Variants in CDH13 observed in about 807,000 individuals in gnomAD.
CDH13 encodes cadherin-13.
CDH13 carries 24 observed loss-of-function variants against 63.8 expected under a neutral mutation model. That is an observed-to-expected ratio of 0.38 (90% CI 0.27 to 0.53). The LOEUF is 0.53. Among genes scored for constraint, CDH13 ranks in the 20% least tolerant of loss-of-function variants. The pLI is 0.85. For missense variants in CDH13, 1,049 were observed against 903.1 expected (o/e 1.16, Z -2.07); for synonymous variants, 503 against 355.3 (o/e 1.42, Z -4.67).
chr16:82,748,761 G>C lies in CDH13; in HGVS notation c.46-109601G>C, dbSNP rs139353646. 6.2e-3 allele frequency among the ~76,000 whole-genome samples: 951 copies of C among 152,228 alleles called. 12 individuals carry two copies. Among genetic ancestry groups the C allele is most frequent in the Non-Finnish European group, 6.8e-3 (461 of 68,010 alleles). ...AGAGTACTAGATGATCTCCTATAAA[G>C]AGCCAGGATGGTAGAAGACCTGTGG... On this transcript the variant is annotated intron_variant, in intron 1 of 13. Coordinates refer to ENST00000567109, the MANE Select transcript of CDH13 (RefSeq NM_001257.5).
At chr16:83,750,506 T>A (rs1053937635) in intron 11 of CDH13, among the ~76,000 whole-genome samples, 1 of 152,274 alleles carries the variant, frequency 6.6e-6, no homozygotes. Flanking sequence ...TTCCATAGCA[T>A]GTACCTTATT....
intron 5 of CDH13, among the ~76,000 whole-genome samples, chr16:83,255,610 T>G (rs1311948969): frequency 6.6e-6 from 1 of 152,184 alleles, no homozygotes; most frequent in African/African-American, 2.4e-5. Context: ...AATGTCTCAT[T>G]TAACTTTTGA....
chr16:82,937,006 C>G (rs1178180691), intron 2 of CDH13, among the ~76,000 whole-genome samples: 2 of 152,120 alleles, frequency 1.3e-5, no homozygotes, highest in Admixed American at 1.3e-4. Context: ...ACAACCAAAA[C>G]AAACCACAGG....
At position 83,295,165 on chromosome 16, in the gene CDH13, C is replaced by T. The variant is rs543383634; in HGVS notation, c.637-49697C>T. Among the ~76,000 whole-genome samples, 71 of 152,034 alleles carry T rather than the reference C, an allele frequency of 4.7e-4. No individual in the cohort carries two copies. The South Asian group carries it at 0.012, about 26-fold the overall frequency. On this transcript the variant is annotated intron_variant, in intron 5 of 13. Coordinates refer to ENST00000567109, the MANE Select transcript of CDH13 (RefSeq NM_001257.5). ...CTTCAATAAATGGCATTTGGGAAAC[C>T]GCATATCCATATGCAGAAGAATGAA...
intron 6 of CDH13, among the ~76,000 whole-genome samples, chr16:83,483,163 G>A (rs1395958801): frequency 6.6e-6 from 1 of 152,138 alleles, no homozygotes; most frequent in Non-Finnish European, 1.5e-5. Flanking sequence ...TCACCTCAGA[G>A]TCGTTGTCTT....
intron 6 of CDH13, among the ~76,000 whole-genome samples, chr16:83,377,847 G>A (rs1204382402): frequency 6.6e-6 from 1 of 152,126 alleles, no homozygotes; most frequent in Non-Finnish European, 1.5e-5. Flanking sequence ...ATAACACACA[G>A]CTAACCAATA....
rs377051357 is a variant in CDH13 at position 83,763,303 on chromosome 16, T to C, written c.1681+15053T>C. 1.8e-4 allele frequency among the ~76,000 whole-genome samples: 28 copies of C among 152,330 alleles called. No homozygotes were observed. The East Asian group carries it at 2.9e-3, about 16-fold the overall frequency. Reference sequence around the variant, plus strand: ...TAATGATTTTTCATAGGCTAAGATATATCATGTCCCAGCCTGTCTTCTCCT... The same window carrying C: ...TAATGATTTTTCATAGGCTAAGATACATCATGTCCCAGCCTGTCTTCTCCT... On this transcript the variant is annotated intron_variant, in intron 11 of 13. Coordinates refer to ENST00000567109, the MANE Select transcript of CDH13 (RefSeq NM_001257.5).
chr16:83,694,505 G>A (rs190869315), intron 10 of CDH13, among the ~76,000 whole-genome samples: 38 of 152,336 alleles, frequency 2.5e-4, no homozygotes, highest in Non-Finnish European at 4.3e-4. Context: ...CACAGTGCTC[G>A]TGATGACCTC....
At chr16:83,020,523 G>A (rs146395064) in intron 2 of CDH13, among the ~76,000 whole-genome samples, 1 of 152,276 alleles carries the variant, frequency 6.6e-6, no homozygotes, top group South Asian at 2.1e-4. Context: ...ACTCAAAAAT[G>A]GGGCCACCCT....
Position 82,642,922 on chromosome 16 carries a change from G to C in CDH13, c.45+15785G>C, listed in dbSNP as rs77335542. On this transcript the variant is annotated intron_variant, in intron 1 of 13. Coordinates refer to ENST00000567109, the MANE Select transcript of CDH13 (RefSeq NM_001257.5). ...TAAAGCTTTAGGACTCTAGGGCTGAGATTCAAACTCAAGACAATTCCAGAC... is the reference window on the plus strand; with the variant it reads ...TAAAGCTTTAGGACTCTAGGGCTGACATTCAAACTCAAGACAATTCCAGAC... Among the ~76,000 whole-genome samples the C allele has an allele frequency of 2.5e-3, 375 of 152,292 alleles. 1 individual carries two copies. The highest frequency in any genetic ancestry group is 8.7e-3 in the African/African-American group (363 of 41,554).
intron 2 of CDH13, among the ~76,000 whole-genome samples, chr16:82,890,050 C>G (rs558003537): frequency 7.2e-5 from 11 of 152,200 alleles, no homozygotes; most frequent in Non-Finnish European, 1.6e-4. Flanking sequence ...ATAAAACTGG[C>G]TTCAAAACGC....
At chr16:83,153,228 G>A (rs1388885355) in intron 4 of CDH13, among the ~76,000 whole-genome samples, 1 of 152,114 alleles carries the variant, frequency 6.6e-6, no homozygotes, top group Non-Finnish European at 1.5e-5. Context: ...GATTGGTTGG[G>A]TCGGAGATGA....
At chr16:83,702,661 A>C (rs1283341327) in intron 10 of CDH13, among the ~76,000 whole-genome samples, 4 of 152,206 alleles carry the variant, frequency 2.6e-5, no homozygotes, top group Admixed American at 1.3e-4. Context: ...CCAGGCCATG[A>C]GATGCTCAAG....
At chr16:83,052,797 A>AAAAAG (rs2030503554) in intron 3 of CDH13, among the ~76,000 whole-genome samples, 1 of 146,370 alleles carries the variant, frequency 6.8e-6, no homozygotes, top group African/African-American at 2.7e-5. Context: ...AAAAAAAAAA[A>AAAAAG]AAAAAAAGAA....
At chr16:83,094,142 G>T (rs72798309) in intron 3 of CDH13, among the ~76,000 whole-genome samples, 1 of 152,092 alleles carries the variant, frequency 6.6e-6, no homozygotes, top group African/African-American at 2.4e-5. Flanking sequence ...TCGTTGCATG[G>T]CTCTGGCTTA....
intron 7 of CDH13, among the ~76,000 whole-genome samples, chr16:83,600,182 C>T (rs1004695118): frequency 2.0e-5 from 3 of 152,192 alleles, no homozygotes; most frequent in Non-Finnish European, 4.4e-5. Context: ...CGCAGACCAG[C>T]GCCGGCTGAC....
chr16:82,800,649 G>T (rs2036805329), intron 1 of CDH13, among the ~76,000 whole-genome samples: 1 of 152,168 alleles, frequency 6.6e-6, no homozygotes, highest in South Asian at 2.1e-4. Flanking sequence ...ATGATTTGGA[G>T]CATATTTACA....
At chr16:83,758,046 A>T (rs1207309201) in intron 11 of CDH13, among the ~76,000 whole-genome samples, 1 of 151,864 alleles carries the variant, frequency 6.6e-6, no homozygotes, top group Non-Finnish European at 1.5e-5. Flanking sequence ...AAAGAAAGAA[A>T]AAGAAAAGAA....
intron 1 of CDH13, among the ~76,000 whole-genome samples, chr16:82,819,125 T>C (rs903638311): frequency 7.9e-5 from 12 of 152,324 alleles, no homozygotes; most frequent in Admixed American, 3.3e-4. Context: ...CACATAGAGA[T>C]TGGATAAATT....
Sources: allele counts gnomAD v4.1 joint callset (sites outside exome capture counted in the v4.1 genomes callset), GRCh38; gene constraint gnomAD v4.1.1; transcripts MANE v1.5; gene names NCBI Gene and HGNC (gene_info 2026-07-23, HGNC 2026-07-21).